GALNT18: variants seen among roughly 807,000 people sequenced by gnomAD.
GALNT18 encodes polypeptide N-acetylgalactosaminyltransferase 18.
GALNT18 carries 44 observed loss-of-function variants against 69.5 expected under a neutral mutation model. The observed-to-expected ratio is 0.63, with a 90% CI of 0.50 to 0.81. The LOEUF (loss-of-function observed/expected upper bound fraction) is 0.81, where lower values mean the gene tolerates loss of function less well. GALNT18 is among the 40% of genes least tolerant of loss of function. The probability of loss-of-function intolerance (pLI) is 0.00; values close to 1 mark genes in which losing one functional copy is unlikely to be tolerated. For synonymous variants in GALNT18, 364 were observed against 318.2 expected (o/e 1.14, Z -1.53); for missense variants, 715 against 810.0 (o/e 0.88, Z 1.42).
intron 10 of GALNT18, among the ~76,000 whole-genome samples, chr11:11,287,731 C>G (rs541916988): frequency 6.6e-6 from 1 of 152,308 alleles, no homozygotes; most frequent in East Asian, 1.9e-4. Context: ...AAGGCAACAA[C>G]TGCCACTTCT....
rs116017193 is a variant in GALNT18, at chr11:11,519,310, G to C, written c.236-70374C>G. Reference sequence around the variant, plus strand: ...TAGAGGCACCCTTGGCTAGCAAAAGGGGGGAGCCATTACCACATTAGGCCT... The same window carrying C: ...TAGAGGCACCCTTGGCTAGCAAAAGCGGGGAGCCATTACCACATTAGGCCT... On this transcript the variant is annotated intron_variant, in intron 1 of 10. Coordinates refer to ENST00000227756, the MANE Select transcript of GALNT18 (RefSeq NM_198516.3). Among the ~76,000 whole-genome samples the C allele has an allele frequency of 5.6e-3, 857 of 152,270 alleles. 9 individuals carry two copies. The highest frequency in any genetic ancestry group is 0.02 in the African/African-American group (825 of 41,564).
At chr11:11,456,248 C>A (rs557432663) in intron 1 of GALNT18, among the ~76,000 whole-genome samples, 1 of 152,262 alleles carries the variant, frequency 6.6e-6, no homozygotes, top group East Asian at 1.9e-4. Context: ...TAATCAATCC[C>A]ATCATAGATA....
chr11:11,528,500 T>C (rs1329319697), intron 1 of GALNT18, among the ~76,000 whole-genome samples: 2 of 152,182 alleles, frequency 1.3e-5, no homozygotes, highest in Non-Finnish European at 2.9e-5. Context: ...AAGTGTGAGC[T>C]GAATTTGGCC....
chr11:11,587,254 C>T lies in GALNT18; in HGVS notation c.235+34105G>A, dbSNP rs142270249. Among the ~76,000 whole-genome samples the T allele has an allele frequency of 6.6e-6, 1 of 152,324 alleles. No homozygotes were observed. The highest frequency in any genetic ancestry group is 1.5e-5 in the Non-Finnish European group (1 of 68,034). On this transcript the variant is annotated intron_variant, in intron 1 of 10. Coordinates refer to ENST00000227756, the MANE Select transcript of GALNT18 (RefSeq NM_198516.3). This position sits in a 1 kb window ranked among gnomAD's most constrained non-coding sequence, Gnocchi z 4.4. ...TTGAATATCAACCTTCACTGGCTCACTTTCTCAGAAATGAGGAAACTTGGA... is the reference window on the plus strand; with the variant it reads ...TTGAATATCAACCTTCACTGGCTCATTTTCTCAGAAATGAGGAAACTTGGA...
chr11:11,537,570 T>C (rs1304973121), intron 1 of GALNT18, among the ~76,000 whole-genome samples: 1 of 152,122 alleles, frequency 6.6e-6, no homozygotes, highest in Non-Finnish European at 1.5e-5. Context: ...GCCCTAGTGA[T>C]TAGACAGAAA....
At chr11:11,552,386 G>T (rs376878891) in intron 1 of GALNT18, among the ~76,000 whole-genome samples, 7 of 152,258 alleles carry the variant, frequency 4.6e-5, no homozygotes, top group African/African-American at 1.7e-4. Context: ...AGTTATCTTT[G>T]AGCCTTTACC....
chr11:11,361,793 A>G (rs546554156), intron 6 of GALNT18, among the ~76,000 whole-genome samples: 8 of 152,302 alleles, frequency 5.3e-5, no homozygotes, highest in Non-Finnish European at 1.2e-4. Context: ...ATAAATCCTG[A>G]CATCACGTGT....
chr11:11,616,528 G>A lies in GALNT18; in HGVS notation c.235+4831C>T, dbSNP rs148353868. On this transcript the variant is annotated intron_variant, in intron 1 of 10. Coordinates refer to ENST00000227756, the MANE Select transcript of GALNT18 (RefSeq NM_198516.3). The surrounding 1 kb of genome is among the most constrained non-coding windows in gnomAD (Gnocchi z 4.4). ...CTCTAATTATAATAGCAAAACAAAT[G>A]TCCAATAATAGGAAAGTGGTTGAAT... is the stretch of plus-strand genomic sequence containing the variant. Among the ~76,000 whole-genome samples, 30 of 152,322 alleles carry A rather than the reference G, an allele frequency of 2.0e-4. No individual in the cohort carries two copies. Among genetic ancestry groups the A allele is most frequent in the African/African-American group, 7.2e-4 (30 of 41,566 alleles).
At chr11:11,492,327 C>G (rs773717874) in intron 1 of GALNT18, among the ~76,000 whole-genome samples, 18 of 152,212 alleles carry the variant, frequency 1.2e-4, no homozygotes, top group Non-Finnish European at 2.4e-4. Context: ...AGGAACATCT[C>G]TGGTACCTGG....
chr11:11,337,261 C>T lies in GALNT18; in HGVS notation c.1278+3558G>A, dbSNP rs1172464990. 6.6e-6 allele frequency among the ~76,000 whole-genome samples: 1 copy of T among 152,202 alleles called. No homozygotes were observed. The highest frequency in any genetic ancestry group is 1.5e-5 in the Non-Finnish European group (1 of 68,046). ...GGATTACTCACACTGCCAGCAAACT[C>T]ACTCATTAATAAGCGTTAGCAAGGC... is the stretch of plus-strand genomic sequence containing the variant. On this transcript the variant is annotated intron_variant, in intron 7 of 10. Transcript: ENST00000227756. This position sits in a 1 kb window ranked among gnomAD's most constrained non-coding sequence, Gnocchi z 4.9.
Position 11,332,595 on chromosome 11 carries a change from A to C in GALNT18, c.1416+99T>G. 7.2e-7 allele frequency: 1 copy of C among 1,396,146 alleles called. No homozygotes were observed. Among genetic ancestry groups the C allele is most frequent in the Non-Finnish European group, 9.9e-7 (1 of 1,006,084 alleles). 86.5% of individuals were successfully genotyped at this position (1,396,146 alleles called of 1,614,324 possible). On this transcript the variant is annotated intron_variant, in intron 8 of 10. Transcript: ENST00000227756. The surrounding 1 kb of genome is among the most constrained non-coding windows in gnomAD (Gnocchi z 4.3). ...GTCCCCAGGCCTACTGCAGTTCTTC[A>C]TGTGAGCAGCTGAGAGGCTCTTTCC... is the stretch of plus-strand genomic sequence containing the variant.
intron 1 of GALNT18, among the ~76,000 whole-genome samples, chr11:11,528,329 C>T (rs7931254): frequency 0.22 from 33,506 of 152,126 alleles, 4,267 homozygotes; most frequent in Non-Finnish European, 0.27. Flanking sequence ...CAAATTTTGA[C>T]GGAACTCAAA....
At chr11:11,275,767 C>T (rs552732504) in intron 10 of GALNT18, among the ~76,000 whole-genome samples, 11 of 152,310 alleles carry the variant, frequency 7.2e-5, no homozygotes, top group African/African-American at 2.6e-4. Context: ...CCAGTTTCCC[C>T]AACACCATTT....
chr11:11,313,430 T>C (rs1849701682), intron 9 of GALNT18, among the ~76,000 whole-genome samples: 1 of 152,200 alleles, frequency 6.6e-6, no homozygotes, highest in South Asian at 2.1e-4. Context: ...AGTTTTCCTT[T>C]AGATCCTAAG....
At chr11:11,376,198 T>A (rs571720108) in intron 5 of GALNT18, among the ~76,000 whole-genome samples, 1 of 152,060 alleles carries the variant, frequency 6.6e-6, no homozygotes, top group African/African-American at 2.4e-5. Context: ...CTGGCCAACA[T>A]GATGAAACCC....
intron 6 of GALNT18, among the ~76,000 whole-genome samples, chr11:11,345,857 A>G (rs1251965554): frequency 6.6e-6 from 1 of 152,122 alleles, no homozygotes; most frequent in African/African-American, 2.4e-5. Context: ...AACCACCAAG[A>G]TGTAGACCCT....
At chr11:11,363,876 A>G (rs1850696633) in intron 6 of GALNT18, among the ~76,000 whole-genome samples, 1 of 151,222 alleles carries the variant, frequency 6.6e-6, no homozygotes, top group African/African-American at 2.5e-5. Context: ...AACCCTCCTC[A>G]TGGCAGGGAA....
At chr11:11,475,396 G>A (rs1856367938) in intron 1 of GALNT18, 1 of 152,144 alleles carries the variant, frequency 6.6e-6, no homozygotes, top group Admixed American at 6.5e-5. Flanking sequence ...ACAGGTAGGT[G>A]CTCAGTGGAA....
chr11:11,349,840 G>A (rs952607404), intron 6 of GALNT18, among the ~76,000 whole-genome samples: 2 of 152,202 alleles, frequency 1.3e-5, no homozygotes, highest in Non-Finnish European at 2.9e-5. Flanking sequence ...TTTCATCAGA[G>A]CCTGCAGAAA....
Sources: gnomAD v4.1 joint callset for allele counts (sites outside exome capture counted in the v4.1 genomes callset) on GRCh38, gnomAD v4.1.1 for gene constraint, Gnocchi (gnomAD v3.1) non-coding constraint, MANE v1.5 for transcripts, NCBI Gene and HGNC (gene_info 2026-07-23, HGNC 2026-07-21) for gene names.